Variants in EXOG observed in about 807,000 individuals in gnomAD.
EXOG encodes the protein exo/endonuclease G, also known as nuclease EXOG, mitochondrial.
In EXOG, 27 loss-of-function variants were observed where a neutral mutation model predicts 25.8. The observed-to-expected ratio is 1.05, with a 90% CI of 0.77 to 1.45. The LOEUF (loss-of-function observed/expected upper bound fraction) is 1.45, where lower values mean the gene tolerates loss of function less well. EXOG is among the 40% of genes most tolerant of loss of function. The probability of loss-of-function intolerance (pLI) is 0.00; values close to 1 mark genes in which losing one functional copy is unlikely to be tolerated. For synonymous variants in EXOG, 133 were observed against 167.0 expected (o/e 0.80, Z 1.57); for missense variants, 458 against 450.5 (o/e 1.02, Z -0.15).
chr3:38,496,521 C>T lies in EXOG; in HGVS notation c.154C>T (p.Gln52Ter), dbSNP rs377680068. Reference protein sequence around the residue: ...QGAEGALTGKQPDGSAEKAVL... With the variant: ...QGAEGALTGK ...CGCTGAGGGAGCGTTGACAGGGAAG[C>T]AGCCGGATGGTAAGTCTGTGGGCCC... The change falls in exon 1 of 6, where the codon CAG becomes TAG. Residue 52 changes from glutamine to a stop codon, truncating the protein, a stop_gained. Transcript: ENST00000287675. LOFTEE classifies it high-confidence loss of function. The T allele has an allele frequency of 1.9e-6, 3 of 1,611,658 alleles. No individual in the cohort carries two copies. In the African/African-American group the frequency reaches 4.0e-5, roughly 22 times the overall value.
chr3:38,507,909 G>A lies in EXOG; in HGVS notation c.645+941G>A, dbSNP rs550869439. On this transcript the variant is annotated intron_variant, in intron 5 of 5. Transcript: ENST00000287675. ...AGCACTTTGGGAGGCCGAGGCAGGC[G>A]ATCACGAGGTCAGGAGTTCGAGACC... Among the ~76,000 whole-genome samples, 34 of 152,262 alleles carry A rather than the reference G, an allele frequency of 2.2e-4. No individual in the cohort carries two copies. In the South Asian group the frequency reaches 6.4e-3, roughly 29 times the overall value.
chr3:38,497,613 T>C lies in EXOG; in HGVS notation c.164-16T>C. On this transcript the variant is annotated splice_polypyrimidine_tract_variant and intron_variant, in intron 1 of 5. Transcript: ENST00000287675. ...TTTGTCTCTGCCCCCCCTTTTTTTT[T>C]TTTTTTCATTTTTAGGATCTGCAGA... 6.4e-7 allele frequency: 1 copy of C among 1,555,228 alleles called. No homozygotes were observed. Among genetic ancestry groups the C allele is most frequent in the Non-Finnish European group, 8.6e-7 (1 of 1,163,184 alleles).
At chr3:38,512,642 T>C (rs1421087647) in intron 5 of EXOG, among the ~76,000 whole-genome samples, 2 of 152,196 alleles carry the variant, frequency 1.3e-5, no homozygotes, top group Non-Finnish European at 2.9e-5. Context: ...GATCTACCAT[T>C]TATACTTGTC....
intron 5 of EXOG, among the ~76,000 whole-genome samples, chr3:38,508,719 C>CG (rs1002117658): frequency 6.0e-5 from 9 of 149,576 alleles, no homozygotes; most frequent in South Asian, 4.3e-4. Context: ...CCACCCCCCC[C>CG]CCAAAAAAAA....
chr3:38,496,544 C>T lies in EXOG; in HGVS notation c.163+14C>T, dbSNP rs116479475. Reference sequence around the variant, plus strand: ...AGCAGCCGGATGGTAAGTCTGTGGGCCCGTCCTCCCTTCGCTGGCCCAGAT... The same window carrying T: ...AGCAGCCGGATGGTAAGTCTGTGGGTCCGTCCTCCCTTCGCTGGCCCAGAT... On this transcript the variant is annotated intron_variant, in intron 1 of 5. Transcript: ENST00000287675. 1.9e-3 allele frequency: 3,118 copies of T among 1,603,406 alleles called. 56 individuals are homozygous for T. The African/African-American group carries it at 0.035, about 18-fold the overall frequency.
At chr3:38,520,573 ACTAGT>A (rs2060684757) in intron 5 of EXOG, among the ~76,000 whole-genome samples, 1 of 152,156 alleles carries the variant, frequency 6.6e-6, no homozygotes, top group African/African-American at 2.4e-5. Flanking sequence ...CTGACCTGTA[ACTAGT>A]CTAATCTTGC....
intron 2 of EXOG, chr3:38,498,123 C>T (rs1311017047): frequency 9.7e-6 from 2 of 207,038 alleles, no homozygotes; most frequent in African/African-American, 4.7e-5. Context: ...TATGTGTGAC[C>T]AGAGTAGAGG....
intron 3 of EXOG, among the ~76,000 whole-genome samples, chr3:38,501,914 TTTTG>T (rs764162963): frequency 8.6e-5 from 13 of 151,908 alleles, no homozygotes; most frequent in Admixed American, 4.6e-4. Flanking sequence ...CTCAGCTAAT[TTTTG>T]TTTGTTTGTT....
rs755931634 is a variant in EXOG at position 38,524,361 on chromosome 3, A to G, written c.1106A>G (p.Ter369TrpextTer11). The change falls in exon 6 of 6, where the codon TAG (stop) becomes TGG (tryptophan). Residue 369 changes from the stop codon to tryptophan (W), a stop_lost. Transcript: ENST00000287675. ...GGAACCCAGATAAGAAAGCCATCCT[A>G]GTTTTTATCTCAAGATGTGTCATAC... ...QSGTQIRKPS[*>W] 6.3e-6 allele frequency: 10 copies of G among 1,596,710 alleles called. No homozygotes were observed. The South Asian group carries it at 9.1e-5, about 15-fold the overall frequency.
chr3:38,513,193 G>A (rs769956244), intron 5 of EXOG, among the ~76,000 whole-genome samples: 3 of 152,134 alleles, frequency 2.0e-5, no homozygotes, highest in African/African-American at 2.4e-5. Flanking sequence ...AGATGACTCC[G>A]TAACAATTGG....
Position 38,511,225 on chromosome 3 carries a change from T to A in EXOG, c.645+4257T>A, listed in dbSNP as rs1004925274. Among the ~76,000 whole-genome samples the A allele has an allele frequency of 2.6e-5, 4 of 152,232 alleles. No homozygotes were observed. In the East Asian group the frequency reaches 5.8e-4, roughly 22 times the overall value. On this transcript the variant is annotated intron_variant, in intron 5 of 5. Transcript: ENST00000287675. The stretch of plus-strand genomic sequence containing the variant: ...ACAACTTTTATTAATTCTCTTTTTT[T>A]AAAATAACTTTTACTTAGACATACC...
chr3:38,505,205 A>G (rs1370296726), intron 4 of EXOG, among the ~76,000 whole-genome samples: 1 of 151,734 alleles, frequency 6.6e-6, no homozygotes, highest in Non-Finnish European at 1.5e-5. Context: ...CAGGATTCAA[A>G]TAAGATAGAC....
chr3:38,496,379 G>C lies in EXOG; in HGVS notation c.12G>C (p.Lys4Asn). 2 of 1,613,712 alleles carry C rather than the reference G, an allele frequency of 1.2e-6. No individual in the cohort carries two copies. The highest frequency in any genetic ancestry group is 8.5e-7 in the Non-Finnish European group (1 of 1,179,808). The change falls in exon 1 of 6, where the codon AAG becomes AAC. Residue 4 changes from lysine (K) to asparagine (N), a missense_variant. Lys to Asn is a moderately conservative substitution (Grantham distance 94, BLOSUM62 0). Around this residue, in one of 3 missense-constraint regions of EXOG, gnomAD observed 275 missense variants for 230.5 expected, o/e 1.19. Coordinates refer to ENST00000287675, the MANE Select transcript of EXOG (RefSeq NM_005107.4). MAI[K>N]SIASRLRGSR... ...GTACCTCGGGCAAGATGGCTATCAA[G>C]AGTATCGCTTCCCGCCTCCGGGGTT...
intron 3 of EXOG, among the ~76,000 whole-genome samples, chr3:38,502,429 A>G (rs2060075653): frequency 6.6e-6 from 1 of 152,178 alleles, no homozygotes; most frequent in Non-Finnish European, 1.5e-5. Flanking sequence ...ATTTGTAGAA[A>G]TTTATAGAAA....
intron 5 of EXOG, chr3:38,523,406 C>A: frequency 1.2e-6 from 1 of 802,660 alleles, no homozygotes; most frequent in Non-Finnish European, 1.5e-6. Flanking sequence ...CTCTGTCGGC[C>A]AGGCTGGAGT....
At chr3:38,522,788 G>A (rs139799806) in intron 5 of EXOG, among the ~76,000 whole-genome samples, 203 of 152,352 alleles carry the variant, frequency 1.3e-3, no homozygotes, top group African/African-American at 4.5e-3. Flanking sequence ...ACAGGCATGA[G>A]CCACCACACC....
In EXOG at chr3:38,521,171, T is replaced by G. The variant is rs1419363897; in HGVS notation, c.646-2730T>G. 6.6e-5 allele frequency among the ~76,000 whole-genome samples: 10 copies of G among 152,188 alleles called. No homozygotes were observed. In the East Asian group the frequency reaches 1.9e-3, roughly 29 times the overall value. The stretch of plus-strand genomic sequence containing the variant: ...AAGCAGACTGAATCAGAAAAGAGAT[T>G]AGTGAGTGGCTAAGTTTTTATTTTT... On this transcript the variant is annotated intron_variant, in intron 5 of 5. Transcript: ENST00000287675.
chr3:38,523,784 C>G (rs2060796011), intron 5 of EXOG, 117 bp from the exon 6 acceptor site: 1 of 639,598 alleles, frequency 1.6e-6, no homozygotes. Flanking sequence ...TTCATTAGAA[C>G]AGAGTGGGAT....
intron 5 of EXOG, among the ~76,000 whole-genome samples, chr3:38,520,036 G>C (rs1483042007): frequency 1.3e-5 from 2 of 152,128 alleles, no homozygotes; most frequent in Non-Finnish European, 2.9e-5. Flanking sequence ...GTCTTACCAG[G>C]GGAATGTAAC....
Sources: allele counts gnomAD v4.1 joint callset (sites outside exome capture counted in the v4.1 genomes callset), GRCh38; gene constraint gnomAD v4.1.1; regional missense constraint gnomAD v4.1.1; transcripts MANE v1.5; gene names NCBI Gene and HGNC (gene_info 2026-07-23, HGNC 2026-07-21).